ETV6: variants seen among roughly 807,000 people sequenced by gnomAD.
ETV6 encodes the protein transcription factor ETV6.
A neutral mutation model predicts 51.1 loss-of-function variants in ETV6; 16 were observed. The ratio of observed to expected loss-of-function variants is 0.31; its 90% confidence interval spans 0.21 to 0.48. The LOEUF is 0.48. ETV6 is among the 20% of genes least tolerant of loss of function. The probability of loss-of-function intolerance (pLI) is 0.99; values close to 1 mark genes in which losing one functional copy is unlikely to be tolerated. For missense variants in ETV6, 458 were observed against 594.8 expected (o/e 0.77, Z 2.39); for synonymous variants, 240 against 224.1 (o/e 1.07, Z -0.64).
rs1190038343 is a variant in ETV6 at position 11,895,324 on chromosome 12, G to A, written c.*4278G>A. On this transcript the variant is annotated 3_prime_UTR_variant, in exon 8 of 8. Transcript: ENST00000396373. ...ACAAAAAAAAATGCCTTTTCTCAGG[G>A]CCAGTGAGTTGCAAATAATTTTTAA... The A allele has an allele frequency of 8.7e-6, 2 of 231,074 alleles. No homozygotes were observed. Among genetic ancestry groups the A allele is most frequent in the Non-Finnish European group, 1.7e-5 (2 of 116,918 alleles). The allele number at this position is 231,074 out of a possible 1,614,324, so 14.3% of individuals were successfully genotyped here.
At chr12:11,799,072 G>A (rs1326200570) in intron 2 of ETV6, among the ~76,000 whole-genome samples, 2 of 152,166 alleles carry the variant, frequency 1.3e-5, no homozygotes, top group Non-Finnish European at 2.9e-5. Flanking sequence ...GTGGAGGAGT[G>A]CATTGTGGGA....
intron 2 of ETV6, among the ~76,000 whole-genome samples, chr12:11,803,452 C>T (rs1591684811): frequency 6.6e-6 from 1 of 152,252 alleles, no homozygotes; most frequent in Admixed American, 6.5e-5. Context: ...ATTTGAGTTG[C>T]TTCTAGAACA....
intron 1 of ETV6, among the ~76,000 whole-genome samples, chr12:11,717,503 G>A (rs1468387993): frequency 6.6e-6 from 1 of 152,162 alleles, no homozygotes; most frequent in Non-Finnish European, 1.5e-5. Context: ...TCCCTATAGT[G>A]TAATACAGTA....
At chr12:11,868,560 C>T (rs1174572501) in intron 4 of ETV6, among the ~76,000 whole-genome samples, 4 of 151,218 alleles carry the variant, frequency 2.6e-5, no homozygotes, top group Non-Finnish European at 4.4e-5. Flanking sequence ...GTCTCAGCCT[C>T]CCGAGTAACT....
chr12:11,750,078 T>C (rs951643441), intron 1 of ETV6, among the ~76,000 whole-genome samples: 1 of 152,144 alleles, frequency 6.6e-6, no homozygotes, highest in Admixed American at 6.5e-5. Flanking sequence ...ATAGCAGTTG[T>C]CTCCATCTAA....
At chr12:11,782,191 C>T (rs1007388502) in intron 2 of ETV6, among the ~76,000 whole-genome samples, 6 of 152,112 alleles carry the variant, frequency 3.9e-5, no homozygotes, top group Non-Finnish European at 8.8e-5. Flanking sequence ...TACCAAGTAC[C>T]CTCTTTCACT....
intron 1 of ETV6, among the ~76,000 whole-genome samples, chr12:11,654,906 A>G (rs2120611208): frequency 6.6e-6 from 1 of 152,238 alleles, no homozygotes; most frequent in Middle Eastern, 3.4e-3. Context: ...CAAACAGTCA[A>G]AGCTAAAAAT....
intron 1 of ETV6, among the ~76,000 whole-genome samples, chr12:11,702,466 CAT>C (rs1275662126): frequency 2.0e-5 from 3 of 152,268 alleles, no homozygotes; most frequent in Admixed American, 6.5e-5. Context: ...GATAGTTTTT[CAT>C]AGTCTTCATG....
chr12:11,741,170 C>G (rs907223127), intron 1 of ETV6, among the ~76,000 whole-genome samples: 1 of 152,050 alleles, frequency 6.6e-6, no homozygotes, highest in African/African-American at 2.4e-5. Context: ...AAATAAAGAC[C>G]GAACCATGGT....
In ETV6 at chr12:11,891,969, TG is replaced by T. The variant is rs1591755984; in HGVS notation, c.*925del. 1 of 235,682 alleles carries T rather than the reference TG, an allele frequency of 4.2e-6. No individual in the cohort carries two copies. Among genetic ancestry groups the T allele is most frequent in the East Asian group, 6.0e-5 (1 of 16,652 alleles). 14.6% of individuals were successfully genotyped at this position (235,682 alleles called of 1,614,324 possible). A position where few individuals can be genotyped will look rare whatever the true frequency, so the allele number is the denominator to read the frequency against. On this transcript the variant is annotated 3_prime_UTR_variant, in exon 8 of 8. Transcript: ENST00000396373. The stretch of plus-strand genomic sequence containing the variant: ...ATGTGTCTAAGGCGTAAGATAAGGA[TG>T]GAAGGCTGTCCAAGTTATTTGGAAG...
At chr12:11,819,832 A>G (rs904854846) in intron 2 of ETV6, among the ~76,000 whole-genome samples, 2 of 152,252 alleles carry the variant, frequency 1.3e-5, no homozygotes, top group African/African-American at 2.4e-5. Flanking sequence ...GCCTTGTACC[A>G]GTCTTGCCCT....
At chr12:11,694,575 A>G (rs926464173) in intron 1 of ETV6, among the ~76,000 whole-genome samples, 5 of 152,192 alleles carry the variant, frequency 3.3e-5, no homozygotes, top group African/African-American at 1.2e-4. Context: ...CTGCCTAAAC[A>G]TGGCTCTCGC....
chr12:11,791,021 G>A (rs769390955), intron 2 of ETV6, among the ~76,000 whole-genome samples: 4 of 152,114 alleles, frequency 2.6e-5, no homozygotes, highest in Admixed American at 6.5e-5. Flanking sequence ...GGGAGGAGCC[G>A]TGACTCGACT....
intron 7 of ETV6, among the ~76,000 whole-genome samples, chr12:11,889,189 G>C (rs978601205): frequency 6.6e-6 from 1 of 152,142 alleles, no homozygotes; most frequent in African/African-American, 2.4e-5. Flanking sequence ...TGTGGAGGGA[G>C]AAATTTTAGT....
At chr12:11,872,582 G>C (rs909374121) in intron 5 of ETV6, among the ~76,000 whole-genome samples, 1 of 150,016 alleles carries the variant, frequency 6.7e-6, no homozygotes, top group South Asian at 2.1e-4. Context: ...CAACCTCTGC[G>C]TCCTAGGTTC....
chr12:11,869,477 C>T lies in ETV6; in HGVS notation c.517C>T (p.Pro173Ser). 2 of 1,614,042 alleles carry T rather than the reference C, an allele frequency of 1.2e-6. No homozygotes were observed. Among genetic ancestry groups the T allele is most frequent in the Non-Finnish European group, 1.7e-6 (2 of 1,179,984 alleles). ...RPSVDNVHHN[P>S]PTIELLHRSR... ...ATCCGTGGATAATGTGCACCATAAC[C>T]CTCCCACCATTGAACTGTTGCACCG... The change falls in exon 5 of 8, where the codon CCT (proline) becomes TCT (serine). Residue 173 changes from proline (P) to serine (S), a missense_variant. Pro to Ser is a moderately conservative substitution (Grantham distance 74, BLOSUM62 -1). Coordinates refer to ENST00000396373, the MANE Select transcript of ETV6 (RefSeq NM_001987.5). This position sits in a 1 kb window ranked among gnomAD's most constrained non-coding sequence, Gnocchi z 5.0.
chr12:11,712,932 T>A (rs528794989), intron 1 of ETV6, among the ~76,000 whole-genome samples: 1 of 152,312 alleles, frequency 6.6e-6, no homozygotes, highest in East Asian at 1.9e-4. Context: ...TTGAGCCTTT[T>A]CTGTTTCTGC....
chr12:11,684,366 T>C (rs889066761), intron 1 of ETV6, among the ~76,000 whole-genome samples: 2 of 152,252 alleles, frequency 1.3e-5, no homozygotes, highest in Non-Finnish European at 2.9e-5. Context: ...TTTGTGTTTT[T>C]TTCCTTTAAT....
intron 2 of ETV6, among the ~76,000 whole-genome samples, chr12:11,805,393 C>T (rs943240167): frequency 6.6e-6 from 1 of 152,138 alleles, no homozygotes; most frequent in Non-Finnish European, 1.5e-5. Context: ...CTTTTTTATT[C>T]CTCTATCTGG....
Sources: gnomAD v4.1 joint callset for allele counts (sites outside exome capture counted in the v4.1 genomes callset) on GRCh38, gnomAD v4.1.1 for gene constraint, Gnocchi (gnomAD v3.1) non-coding constraint, MANE v1.5 for transcripts, NCBI Gene and HGNC (gene_info 2026-07-23, HGNC 2026-07-21) for gene names.